PLCXD3: variants seen among roughly 807,000 people sequenced by gnomAD.
PLCXD3 encodes PI-PLC X domain-containing protein 3.
PLCXD3 carries 19 observed loss-of-function variants against 25.5 expected under a neutral mutation model. The ratio of observed to expected loss-of-function variants is 0.75; its 90% CI spans 0.52 to 1.09. The LOEUF (loss-of-function observed/expected upper bound fraction) is 1.09, where lower values mean the gene tolerates loss of function less well. Ranked by LOEUF, PLCXD3 falls within the 50% of genes least tolerant of loss-of-function variation. The probability of loss-of-function intolerance (pLI) is 0.00; values close to 1 mark genes in which losing one functional copy is unlikely to be tolerated. For missense variants in PLCXD3, 411 were observed against 388.1 expected (o/e 1.06, Z -0.50); for synonymous variants, 174 against 137.6 (o/e 1.26, Z -1.85).
At chr5:41,365,461 C>T (rs2150486631) in intron 2 of PLCXD3, among the ~76,000 whole-genome samples, 1 of 152,224 alleles carries the variant, frequency 6.6e-6, no homozygotes, top group South Asian at 2.1e-4. Flanking sequence ...TGTCTCATGC[C>T]ATTCTCTAGG....
chr5:41,462,998 A>T (rs1019091425), intron 1 of PLCXD3, among the ~76,000 whole-genome samples: 3 of 151,960 alleles, frequency 2.0e-5, no homozygotes, highest in African/African-American at 7.2e-5. Flanking sequence ...TAGCAGATGC[A>T]GGACTGACAG....
intron 1 of PLCXD3, among the ~76,000 whole-genome samples, chr5:41,459,715 C>T (rs318082): frequency 0.86 from 130,440 of 151,632 alleles, 56,484 homozygotes; most frequent in Middle Eastern, 0.9. Context: ...CCTGCAACAA[C>T]TTCTCAATCA....
intron 1 of PLCXD3, among the ~76,000 whole-genome samples, chr5:41,484,531 C>A (rs1748477963): frequency 6.6e-6 from 1 of 151,964 alleles, no homozygotes; most frequent in Non-Finnish European, 1.5e-5. Context: ...GCTTAAATGG[C>A]CCTTAGATGA....
chr5:41,454,896 G>T (rs893740522), intron 1 of PLCXD3, among the ~76,000 whole-genome samples: 33 of 151,980 alleles, frequency 2.2e-4, no homozygotes, highest in Admixed American at 1.3e-4. Context: ...TTTCAGCATG[G>T]CTGGAGTGGC....
At chr5:41,366,270 C>A (rs1450645095) in intron 2 of PLCXD3, among the ~76,000 whole-genome samples, 2 of 152,050 alleles carry the variant, frequency 1.3e-5, no homozygotes, top group African/African-American at 2.4e-5. Flanking sequence ...ATGTTGGAAA[C>A]AAAATACAAC....
chr5:41,361,025 G>T (rs374597874), intron 2 of PLCXD3, among the ~76,000 whole-genome samples: 1 of 152,104 alleles, frequency 6.6e-6, no homozygotes, highest in East Asian at 1.9e-4. Context: ...CTACCAAGTG[G>T]GGGCAGGGAT....
intron 1 of PLCXD3, among the ~76,000 whole-genome samples, chr5:41,397,855 T>C (rs1332273252): frequency 4.3e-4 from 66 of 152,218 alleles, no homozygotes. Flanking sequence ...ATATAATGTC[T>C]ACCCTGCTGG....
intron 1 of PLCXD3, among the ~76,000 whole-genome samples, chr5:41,437,170 A>C (rs1747274039): frequency 6.6e-6 from 1 of 152,208 alleles, no homozygotes; most frequent in Non-Finnish European, 1.5e-5. Flanking sequence ...AGAAGACATC[A>C]CACCTGTCTT....
chr5:41,491,258 T>A (rs551186004), intron 1 of PLCXD3, among the ~76,000 whole-genome samples: 2 of 152,376 alleles, frequency 1.3e-5, no homozygotes, highest in Admixed American at 1.3e-4. Flanking sequence ...GTGAGTTTCT[T>A]AATCCTGAGT....
At chr5:41,357,586 C>T (rs7735604) in intron 2 of PLCXD3, among the ~76,000 whole-genome samples, 13,529 of 152,226 alleles carry the variant, frequency 0.089, 904 homozygotes, top group East Asian at 0.35. Flanking sequence ...AGGCAGTCAA[C>T]CAGTGCTTCT....
At chr5:41,399,303 C>G (rs1746107544) in intron 1 of PLCXD3, among the ~76,000 whole-genome samples, 1 of 152,100 alleles carries the variant, frequency 6.6e-6, no homozygotes, top group South Asian at 2.1e-4. Flanking sequence ...TGATCCCTAT[C>G]AAAATACTAA....
chr5:41,350,532 A>C (rs1744430115), intron 2 of PLCXD3, among the ~76,000 whole-genome samples: 1 of 152,024 alleles, frequency 6.6e-6, no homozygotes, highest in Non-Finnish European at 1.5e-5. Flanking sequence ...CCATTGAAAG[A>C]CTCCTTCAAG....
At chr5:41,432,714 G>A (rs750491003) in intron 1 of PLCXD3, among the ~76,000 whole-genome samples, 34 of 152,116 alleles carry the variant, frequency 2.2e-4, no homozygotes, top group Non-Finnish European at 4.7e-4. Context: ...AAATAAATAG[G>A]AGCAAGAACA....
rs113641732 is a variant in PLCXD3 at position 41,472,333 on chromosome 5, C to T, written c.103+38091G>A. ...GATCTGCCTTGACTGGTTTCTGGAC[C>T]ATTTGGAGAGTATGGCCTAAGAATT... On this transcript the variant is annotated intron_variant, in intron 1 of 2. Transcript: ENST00000377801. Among the ~76,000 whole-genome samples, 706 of 152,172 alleles carry T rather than the reference C, an allele frequency of 4.6e-3. 2 individuals carry two copies. The highest frequency in any genetic ancestry group is 0.016 in the African/African-American group (652 of 41,506).
intron 1 of PLCXD3, among the ~76,000 whole-genome samples, chr5:41,387,935 T>G (rs1745689342): frequency 6.6e-6 from 1 of 152,126 alleles, no homozygotes; most frequent in South Asian, 2.1e-4. Flanking sequence ...AAATGTTTGA[T>G]CATTGATTAT....
chr5:41,507,233 C>T (rs1025515346), intron 1 of PLCXD3, among the ~76,000 whole-genome samples: 1 of 152,172 alleles, frequency 6.6e-6, no homozygotes, highest in Non-Finnish European at 1.5e-5. Context: ...TTTATCCTCT[C>T]TCACCTGCTT....
chr5:41,463,760 A>AT (rs1312073274), intron 1 of PLCXD3, among the ~76,000 whole-genome samples: 2 of 151,428 alleles, frequency 1.3e-5, no homozygotes, highest in Non-Finnish European at 3.0e-5. Flanking sequence ...CTGCGGCACT[A>AT]TTTTTTTTAA....
At position 41,423,147 on chromosome 5, in the gene PLCXD3, T is replaced by A. The variant is rs1477222201; in HGVS notation, c.104-40613A>T. ...TTCTAATTTTAAACTATTCTTGCATTCTTCGCAGAAGCCCTATCTGACTTT... is the reference window on the plus strand; with the variant it reads ...TTCTAATTTTAAACTATTCTTGCATACTTCGCAGAAGCCCTATCTGACTTT... On this transcript the variant is annotated intron_variant, in intron 1 of 2. Coordinates refer to ENST00000377801, the MANE Select transcript of PLCXD3 (RefSeq NM_001005473.3). 2.6e-5 allele frequency among the ~76,000 whole-genome samples: 4 copies of A among 152,280 alleles called. No individual in the cohort carries two copies. In the East Asian group the frequency reaches 7.7e-4, roughly 29 times the overall value.
At chr5:41,321,917 C>T (rs1000845389) in intron 2 of PLCXD3, among the ~76,000 whole-genome samples, 1 of 152,122 alleles carries the variant, frequency 6.6e-6, no homozygotes, top group Non-Finnish European at 1.5e-5. Flanking sequence ...TCACCATATA[C>T]AAAAATCAGA....
Sources: gnomAD v4.1 joint callset for allele counts (sites outside exome capture counted in the v4.1 genomes callset) on GRCh38, gnomAD v4.1.1 for gene constraint, MANE v1.5 for transcripts, NCBI Gene and HGNC (gene_info 2026-07-23, HGNC 2026-07-21) for gene names.